Variants in FRZB observed in about 807,000 individuals in gnomAD.
FRZB encodes the protein frizzled related protein, also known as secreted frizzled-related protein 3.
In FRZB, 34 loss-of-function variants were observed where a neutral mutation model predicts 32.5. That is an observed-to-expected ratio of 1.05 (90% confidence interval 0.80 to 1.39). FRZB has a LOEUF of 1.39. Among genes scored for constraint, FRZB ranks in the 40% most tolerant of loss-of-function variants. FRZB has a pLI of 0.00. For missense variants in FRZB, 423 were observed against 424.8 expected (o/e 1.00, Z 0.04); for synonymous variants, 170 against 159.2 (o/e 1.07, Z -0.51).
chr2:182,866,573 G>A lies in FRZB; in HGVS notation c.-21C>T. 2 of 1,422,380 alleles carry A rather than the reference G, an allele frequency of 1.4e-6. No homozygotes were observed. The highest frequency in any genetic ancestry group is 9.2e-7 in the Non-Finnish European group (1 of 1,088,242). 88.1% of individuals were successfully genotyped at this position (1,422,380 alleles called of 1,614,324 possible). A position where few individuals can be genotyped will look rare whatever the true frequency, so the allele number is the denominator to read the frequency against. The stretch of plus-strand genomic sequence containing the variant: ...ACCATGATCCCGGCAGGATGGGGCA[G>A]GGTGCAGCCGCGCAGTGGACGCCAA... On this transcript the variant is annotated 5_prime_UTR_variant, in exon 1 of 6. Coordinates refer to ENST00000295113, the MANE Select transcript of FRZB (RefSeq NM_001463.4). This position sits in a 1 kb window ranked among gnomAD's most constrained non-coding sequence, Gnocchi z 4.5.
intron 2 of FRZB, among the ~76,000 whole-genome samples, chr2:182,850,759 A>T (rs961929494): frequency 1.3e-5 from 2 of 152,216 alleles, no homozygotes; most frequent in African/African-American, 4.8e-5. Flanking sequence ...AAATTGCTGG[A>T]TCATATGGTA....
intron 1 of FRZB, among the ~76,000 whole-genome samples, chr2:182,863,583 G>A (rs545275411): frequency 2.6e-5 from 4 of 152,150 alleles, no homozygotes; most frequent in Non-Finnish European, 4.4e-5. Flanking sequence ...AGAAGAATGT[G>A]AAAGATTGTC....
chr2:182,840,155 G>A (rs941211523), intron 3 of FRZB, among the ~76,000 whole-genome samples: 1 of 152,034 alleles, frequency 6.6e-6, no homozygotes, highest in Non-Finnish European at 1.5e-5. Flanking sequence ...TGGTTTGACT[G>A]GCAAGTGGAG....
At position 182,834,802 on chromosome 2, in the gene FRZB, TAAGTCTTAATAGG is replaced by T. The variant is rs1223873457; in HGVS notation, c.*34_*46del. 2.3e-6 allele frequency: 3 copies of T among 1,326,742 alleles called. No individual in the cohort carries two copies. The highest frequency in any genetic ancestry group is 3.3e-6 in the Non-Finnish European group (3 of 918,618). 82.2% of individuals were successfully genotyped at this position (1,326,742 alleles called of 1,614,324 possible). On this transcript the variant is annotated 3_prime_UTR_variant, in exon 6 of 6. Transcript: ENST00000295113. The stretch of plus-strand genomic sequence containing the variant: ...TCCTTTGCTAGTCCAGCAATGCAAG[TAAGTCTTAATAGG>T]AAGTCCACTGTGTTACTTTTTGTAT...
At chr2:182,853,221 C>T (rs1406646102) in intron 2 of FRZB, among the ~76,000 whole-genome samples, 1 of 152,176 alleles carries the variant, frequency 6.6e-6, no homozygotes, top group African/African-American at 2.4e-5. Flanking sequence ...ACAGTAAACA[C>T]TGACTCTGAG....
chr2:182,835,237 CAG>C (rs1346377940), intron 5 of FRZB, among the ~76,000 whole-genome samples: 5 of 152,038 alleles, frequency 3.3e-5, no homozygotes, highest in Admixed American at 2.6e-4. Flanking sequence ...TAAATGATGA[CAG>C]AAATATCTCC....
intron 2 of FRZB, among the ~76,000 whole-genome samples, chr2:182,853,158 G>C (rs766464413): frequency 1.3e-5 from 2 of 151,978 alleles, no homozygotes; most frequent in African/African-American, 2.4e-5. Flanking sequence ...TTGCCTATTT[G>C]TTTTCATCAC....
chr2:182,848,598 T>A (rs530035280), intron 2 of FRZB, among the ~76,000 whole-genome samples: 2 of 152,046 alleles, frequency 1.3e-5, no homozygotes, highest in Admixed American at 1.3e-4. Flanking sequence ...CTGGTGTCAA[T>A]GATGAAAGGG....
chr2:182,865,799 T>G (rs10206992), intron 1 of FRZB, among the ~76,000 whole-genome samples: 33,743 of 152,082 alleles, frequency 0.22, 4,650 homozygotes, highest in East Asian at 0.46. Flanking sequence ...AGTAGAAGTG[T>G]GATGGGTTTG....
chr2:182,853,781 G>A (rs78565266), intron 2 of FRZB, among the ~76,000 whole-genome samples: 231 of 152,142 alleles, frequency 1.5e-3, no homozygotes, highest in African/African-American at 5.4e-3. Flanking sequence ...ACCTTATAAG[G>A]CAGGACATAC....
chr2:182,859,995 A>T (rs973596130), intron 1 of FRZB, among the ~76,000 whole-genome samples: 1 of 152,252 alleles, frequency 6.6e-6, no homozygotes, highest in African/African-American at 2.4e-5. Context: ...ATCATGTGAT[A>T]AACTACATAC....
intron 5 of FRZB, among the ~76,000 whole-genome samples, chr2:182,835,454 G>T (rs563236329): frequency 7.2e-5 from 11 of 151,976 alleles, no homozygotes; most frequent in African/African-American, 1.7e-4. Context: ...GGATGGGGGG[G>T]TCTCAAAAAT....
chr2:182,860,174 G>A (rs1695815377), intron 1 of FRZB, among the ~76,000 whole-genome samples: 1 of 152,066 alleles, frequency 6.6e-6, no homozygotes, highest in African/African-American at 2.4e-5. Context: ...CTTATTCAAA[G>A]GAAAATGTTT....
At chr2:182,858,623 C>T (rs894479521) in intron 2 of FRZB, among the ~76,000 whole-genome samples, 163 bp downstream of exon 2, 3 of 151,974 alleles carry the variant, frequency 2.0e-5, no homozygotes, top group Non-Finnish European at 4.4e-5. Context: ...AATTTTACTA[C>T]GTGCTAATTT....
chr2:182,861,340 G>A (rs1290222580), intron 1 of FRZB, among the ~76,000 whole-genome samples: 6 of 152,156 alleles, frequency 3.9e-5, no homozygotes, highest in Non-Finnish European at 7.4e-5. Context: ...ATATGCCTTG[G>A]CTTCCTTTTC....
chr2:182,865,488 T>C (rs1695880272), intron 1 of FRZB, among the ~76,000 whole-genome samples: 1 of 152,218 alleles, frequency 6.6e-6, no homozygotes, highest in Non-Finnish European at 1.5e-5. Flanking sequence ...GTGAAGGTAA[T>C]TGCTCAAACT....
At chr2:182,863,587 G>A (rs1695858028) in intron 1 of FRZB, among the ~76,000 whole-genome samples, 2 of 152,186 alleles carry the variant, frequency 1.3e-5, no homozygotes, top group South Asian at 4.1e-4. Flanking sequence ...GAATGTGAAA[G>A]ATTGTCCTAT....
At chr2:182,847,603 C>T (rs944863095) in intron 2 of FRZB, among the ~76,000 whole-genome samples, 1 of 152,118 alleles carries the variant, frequency 6.6e-6, no homozygotes, top group Admixed American at 6.5e-5. Flanking sequence ...GAGAAAGGTA[C>T]TGATATTGAC....
chr2:182,866,362 T>C lies in FRZB; in HGVS notation c.191A>G (p.Asn64Ser), dbSNP rs1420661413. ...GAACTGCTCGATGGCCAGGATGGCG[T>C]TGGCCTGAGTGCTGTGGTGCAGGTG... ...PNHLHHSTQA[N>S]AILAIEQFEG... Residue 64 changes from asparagine to serine, a missense_variant, in exon 1 of 6, where the codon AAC becomes AGC. By Grantham distance (46) the Asn-to-Ser change is conservative (BLOSUM62 1). Transcript: ENST00000295113. This position sits in a 1 kb window ranked among gnomAD's most constrained non-coding sequence, Gnocchi z 4.5. 1 of 1,613,992 alleles carries C rather than the reference T, an allele frequency of 6.2e-7. No homozygotes were observed. The highest frequency in any genetic ancestry group is 8.5e-7 in the Non-Finnish European group (1 of 1,179,868).
Sources: gnomAD v4.1 joint callset for allele counts (sites outside exome capture counted in the v4.1 genomes callset) on GRCh38, gnomAD v4.1.1 for gene constraint, Gnocchi (gnomAD v3.1) non-coding constraint, MANE v1.5 for transcripts, NCBI Gene and HGNC (gene_info 2026-07-23, HGNC 2026-07-21) for gene names.